Variants in PARD3 observed in about 807,000 individuals in gnomAD.
PARD3 encodes the protein partitioning defective 3 homolog.
PARD3 carries 75 observed loss-of-function variants against 155.4 expected under a neutral mutation model. The ratio of observed to expected loss-of-function variants is 0.48; its 90% CI spans 0.40 to 0.58. The LOEUF (loss-of-function observed/expected upper bound fraction) is 0.58. PARD3 is among the 20% of genes least tolerant of loss of function. PARD3 has a pLI of 0.00. For missense variants in PARD3, 1,642 were observed against 1,721.7 expected, an observed-to-expected ratio of 0.95 and a Z score of 0.82; for synonymous variants, 576 against 610.5, an observed-to-expected ratio of 0.94 and a Z score of 0.83.
chr10:34,352,318 C>T (rs931774737), intron 14 of PARD3, among the ~76,000 whole-genome samples: 4 of 152,174 alleles, frequency 2.6e-5, no homozygotes, highest in Non-Finnish European at 4.4e-5. Flanking sequence ...GCTTTCTCCA[C>T]TGTAAAGTTA....
At chr10:34,241,956 A>G (rs1953627388) in intron 22 of PARD3, among the ~76,000 whole-genome samples, 1 of 130,538 alleles carries the variant, frequency 7.7e-6, no homozygotes. Flanking sequence ...AGTCTCTTTT[A>G]AAAAAAAAAT....
intron 1 of PARD3, among the ~76,000 whole-genome samples, chr10:34,725,535 G>A (rs1007457547): frequency 1.3e-5 from 2 of 152,150 alleles, no homozygotes; most frequent in South Asian, 4.1e-4. Context: ...TGATAAGCCA[G>A]GATTTTCACA....
At chr10:34,689,360 A>G (rs911949829) in intron 2 of PARD3, among the ~76,000 whole-genome samples, 40 of 152,334 alleles carry the variant, frequency 2.6e-4, no homozygotes, top group African/African-American at 9.6e-4. Flanking sequence ...ATGAAAAACT[A>G]GGTGTTGTGA....
At chr10:34,385,868 G>A (rs917809010) in intron 7 of PARD3, among the ~76,000 whole-genome samples, 12 of 152,180 alleles carry the variant, frequency 7.9e-5, no homozygotes, top group African/African-American at 1.4e-4. Flanking sequence ...CTTGATAAAT[G>A]ACAACTGAAT....
At chr10:34,325,164 C>G (rs1958613461) in intron 19 of PARD3, among the ~76,000 whole-genome samples, 1 of 152,098 alleles carries the variant, frequency 6.6e-6, no homozygotes, top group African/African-American at 2.4e-5. Flanking sequence ...CATGCAGCAC[C>G]ACGCCTGGCT....
At chr10:34,248,017 A>G (rs1040520101) in intron 22 of PARD3, among the ~76,000 whole-genome samples, 2 of 152,242 alleles carry the variant, frequency 1.3e-5, no homozygotes, top group African/African-American at 4.8e-5. Context: ...CACTAGGTAC[A>G]TTCCTTTCTA....
At chr10:34,499,240 T>C (rs1043539001) in intron 3 of PARD3, among the ~76,000 whole-genome samples, 1 of 152,200 alleles carries the variant, frequency 6.6e-6, no homozygotes, top group Admixed American at 6.5e-5. Context: ...TTTAACAAAA[T>C]GCAGCAGTCT....
chr10:34,802,733 T>C (rs373534417), intron 1 of PARD3, among the ~76,000 whole-genome samples: 2 of 152,144 alleles, frequency 1.3e-5, no homozygotes, highest in Admixed American at 1.3e-4. Context: ...ATTTCCCACA[T>C]GTGGTGAAGT....
chr10:34,119,877 T>A, intron 23 of PARD3, 137 bp from the exon 24 acceptor site: 1 of 830,238 alleles, frequency 1.2e-6, no homozygotes, highest in Non-Finnish European at 1.7e-6. Flanking sequence ...CAAAATCGTT[T>A]CTTTGAGAAA....
intron 2 of PARD3, among the ~76,000 whole-genome samples, chr10:34,683,983 CTAAAA>C (rs1455259171): frequency 2.6e-5 from 4 of 152,170 alleles, no homozygotes; most frequent in African/African-American, 9.7e-5. Flanking sequence ...TCTTTACACT[CTAAAA>C]TAAGCTCACT....
intron 2 of PARD3, among the ~76,000 whole-genome samples, chr10:34,684,561 T>C (rs1321856012): frequency 6.6e-6 from 1 of 151,974 alleles, no homozygotes; most frequent in Non-Finnish European, 1.5e-5. Context: ...TCGCCATCAA[T>C]TTCAACCTCC....
At chr10:34,472,654 T>C (rs558495019) in intron 3 of PARD3, among the ~76,000 whole-genome samples, 3 of 152,324 alleles carry the variant, frequency 2.0e-5, no homozygotes, top group Admixed American at 6.5e-5. Flanking sequence ...CCCATCTGTA[T>C]GTAAGTCTAC....
chr10:34,247,049 T>C (rs531970064), intron 22 of PARD3, among the ~76,000 whole-genome samples: 3 of 151,740 alleles, frequency 2.0e-5, no homozygotes, highest in Admixed American at 6.6e-5. Flanking sequence ...ACACTCCAAC[T>C]TGGGTATCAG....
chr10:34,646,456 A>G (rs547744573), intron 2 of PARD3, among the ~76,000 whole-genome samples: 15 of 152,322 alleles, frequency 9.8e-5, no homozygotes, highest in Middle Eastern at 3.4e-3. Flanking sequence ...AATGATAGCA[A>G]TGCTATAAAG....
At chr10:34,185,874 T>G (rs1778883) in intron 22 of PARD3, among the ~76,000 whole-genome samples, 2 of 148,406 alleles carry the variant, frequency 1.3e-5, no homozygotes, top group East Asian at 3.9e-4. Context: ...GGAATATCCA[T>G]ATTACACATT....
chr10:34,787,899 GC>G (rs1226073823), intron 1 of PARD3, among the ~76,000 whole-genome samples: 1 of 151,154 alleles, frequency 6.6e-6, no homozygotes, highest in African/African-American at 2.4e-5. Flanking sequence ...TCCCAACTCA[GC>G]CTCCTGAGTA....
intron 22 of PARD3, among the ~76,000 whole-genome samples, chr10:34,200,259 A>G (rs1200400973): frequency 1.3e-5 from 2 of 152,186 alleles, no homozygotes; most frequent in Admixed American, 6.5e-5. Context: ...AATGTCACCT[A>G]GCTAATTAGA....
chr10:34,545,081 A>G (rs1188996368), intron 2 of PARD3, among the ~76,000 whole-genome samples: 1 of 152,196 alleles, frequency 6.6e-6, no homozygotes, highest in Non-Finnish European at 1.5e-5. Flanking sequence ...AAAACCCAAC[A>G]TGCATAATGC....
intron 3 of PARD3, among the ~76,000 whole-genome samples, chr10:34,504,536 A>G (rs1256483806): frequency 1.3e-5 from 2 of 152,238 alleles, no homozygotes; most frequent in Non-Finnish European, 2.9e-5. Flanking sequence ...AATTGAGTAA[A>G]CACAAAATAA....
Sources: allele counts gnomAD v4.1 joint callset (sites outside exome capture counted in the v4.1 genomes callset), GRCh38; gene constraint gnomAD v4.1.1; transcripts MANE v1.5; gene names NCBI Gene and HGNC (gene_info 2026-07-23, HGNC 2026-07-21).